The following TTLL9 variants were observed in gnomAD, a reference collection of about 807,000 sequenced individuals.
TTLL9 encodes tubulin tyrosine ligase like 9.
In TTLL9, 47 loss-of-function variants were observed where a neutral mutation model predicts 65.6. The ratio of observed to expected loss-of-function variants is 0.72; its 90% CI spans 0.57 to 0.91. The LOEUF (loss-of-function observed/expected upper bound fraction) is 0.91. Among genes scored for constraint, TTLL9 ranks in the 40% least tolerant of loss-of-function variants. The probability of loss-of-function intolerance (pLI) is 0.00; values close to 1 mark genes in which losing one functional copy is unlikely to be tolerated. For synonymous variants in TTLL9, 179 were observed against 204.8 expected (o/e 0.87, Z 1.07); for missense variants, 537 against 568.8 (o/e 0.94, Z 0.57).
rs747989303 is a variant in TTLL9 at position 31,926,086 on chromosome 20, G to A, written c.743G>A (p.Arg248Lys). The change falls in exon 10 of 15, where the codon AGA (arginine) becomes AAA (lysine). Residue 248 changes from arginine (R) to lysine (K), a missense_variant. By Grantham distance (26) the Arg-to-Lys change is conservative (BLOSUM62 2). Transcript: ENST00000535842. Reference sequence around the variant, plus strand: ...TGCCTGCTGTGGTCTGGGCACAGGAGACAGGGTATGAGATAGGTCTGGTCC... The same window carrying A: ...TGCCTGCTGTGGTCTGGGCACAGGAAACAGGGTATGAGATAGGTCTGGTCC... ...AECLLWSGHR[R>K]QDVHLTNVAV... 2.5e-6 allele frequency: 4 copies of A among 1,603,316 alleles called. No individual in the cohort carries two copies. In the Admixed American group the frequency reaches 5.0e-5, roughly 20 times the overall value.
chr20:31,905,364 C>T (rs557817282), intron 4 of TTLL9, among the ~76,000 whole-genome samples: 19 of 152,226 alleles, frequency 1.2e-4, no homozygotes, highest in Non-Finnish European at 2.1e-4. Context: ...CATAAGCCAC[C>T]GTGCCCAACC....
chr20:31,928,248 GT>G (rs1294476666), intron 10 of TTLL9, among the ~76,000 whole-genome samples: 1 of 151,710 alleles, frequency 6.6e-6, no homozygotes, highest in Non-Finnish European at 1.5e-5. Context: ...AGGCTTTGCT[GT>G]TTTCACAGTG....
chr20:31,922,922 T>C, intron 7 of TTLL9, 41 bp from the exon 8 acceptor site: 1 of 1,526,486 alleles, frequency 6.6e-7, no homozygotes, highest in Non-Finnish European at 9.0e-7. Context: ...CAGGAAATGT[T>C]CCATAAATAA....
At chr20:31,881,654 G>A (rs939957247) in intron 2 of TTLL9, among the ~76,000 whole-genome samples, 2 of 137,554 alleles carry the variant, frequency 1.5e-5, no homozygotes, top group East Asian at 2.0e-4. Flanking sequence ...TGCCCAGGCT[G>A]GAGTGCAGTG....
chr20:31,919,756 T>C, intron 6 of TTLL9, 108 bp from the exon 7 acceptor site: 1 of 858,532 alleles, frequency 1.2e-6, no homozygotes, highest in South Asian at 2.2e-5. Context: ...GAGTTGGGGG[T>C]TCATAAGGAA....
intron 4 of TTLL9, among the ~76,000 whole-genome samples, chr20:31,899,381 G>A (rs964127975): frequency 2.0e-5 from 3 of 152,198 alleles, no homozygotes; most frequent in Non-Finnish European, 1.5e-5. Context: ...TATAATTCCA[G>A]CACTTTGGGA....
At chr20:31,895,567 C>T (rs1036286300) in intron 3 of TTLL9, among the ~76,000 whole-genome samples, 3 of 152,184 alleles carry the variant, frequency 2.0e-5, no homozygotes, top group African/African-American at 7.2e-5. Context: ...GATGGAGTCT[C>T]ACTCTGTAGC....
rs2064267504 is a variant in TTLL9, at chr20:31,943,863, T to C, written c.*842T>C. On this transcript the variant is annotated 3_prime_UTR_variant, in exon 15 of 15. Transcript: ENST00000535842. ...AGTTGAGTGTGAGTAAAAATCTGCC[T>C]TTTCACATCTTACATTGCTAAGCTT... 2.2e-6 allele frequency: 1 copy of C among 456,308 alleles called. No individual in the cohort carries two copies. The highest frequency in any genetic ancestry group is 4.4e-6 in the Non-Finnish European group (1 of 226,908). The allele number at this position is 456,308 out of a possible 1,614,324, so 28.3% of individuals were successfully genotyped here. A position where few individuals can be genotyped will look rare whatever the true frequency, so the allele number is the denominator to read the frequency against.
chr20:31,873,962 G>C (rs2063003627), intron 2 of TTLL9, among the ~76,000 whole-genome samples: 1 of 152,226 alleles, frequency 6.6e-6, no homozygotes, highest in East Asian at 1.9e-4. Flanking sequence ...TGCGATCCTA[G>C]GCGGGTGAGC....
chr20:31,933,777 C>G, intron 10 of TTLL9, 23 bp from the exon 11 acceptor site: 2 of 1,612,780 alleles, frequency 1.2e-6, no homozygotes, highest in Non-Finnish European at 8.5e-7. Flanking sequence ...TCACGCTGAC[C>G]CTTGACCACC....
chr20:31,883,703 C>G (rs2063150179), intron 2 of TTLL9, among the ~76,000 whole-genome samples: 1 of 151,048 alleles, frequency 6.6e-6, no homozygotes, highest in Non-Finnish European at 1.5e-5. Context: ...TGCATAATTA[C>G]ATAAGAAAAG....
chr20:31,909,945 TG>T, intron 6 of TTLL9, 23 bp downstream of exon 6: 2 of 776,848 alleles, frequency 2.6e-6, no homozygotes, highest in Admixed American at 1.9e-5. Context: ...TGCCAGGGGC[TG>T]GGTGGGAGGG....
chr20:31,872,134 C>G (rs946971643), intron 2 of TTLL9, among the ~76,000 whole-genome samples: 1 of 152,018 alleles, frequency 6.6e-6, no homozygotes, highest in Non-Finnish European at 1.5e-5. Flanking sequence ...GATAGGCAAA[C>G]AAATAAATTA....
In TTLL9 at chr20:31,923,066, T is replaced by C; in HGVS notation, c.664+13T>C. On this transcript the variant is annotated intron_variant, in intron 8 of 14. Transcript: ENST00000535842. Reference sequence around the variant, plus strand: ...TACCTGATAGGAGGTGAGATGGCTGTGTCTGCTCCTGCTCTTCCATTGCAT... The same window carrying C: ...TACCTGATAGGAGGTGAGATGGCTGCGTCTGCTCCTGCTCTTCCATTGCAT... 1 of 1,590,820 alleles carries C rather than the reference T, an allele frequency of 6.3e-7. No homozygotes were observed. The highest frequency in any genetic ancestry group is 8.6e-7 in the Non-Finnish European group (1 of 1,158,868).
rs532282566 is a variant in TTLL9, at chr20:31,877,423, G to A, written c.69+6228G>A. Among the ~76,000 whole-genome samples, 17 of 152,234 alleles carry A rather than the reference G, an allele frequency of 1.1e-4. No homozygotes were observed. The South Asian group carries it at 1.5e-3, about 13-fold the overall frequency. ...GCTGAGATTACAGGCGTGAGCCACC[G>A]CGCCCGGCCTGGCAGTTTAAATTTT... On this transcript the variant is annotated intron_variant, in intron 2 of 14. Transcript: ENST00000535842.
chr20:31,938,099 TCTCCCTCTCCCTCC>T (rs2064145843), intron 13 of TTLL9: 3 of 211,516 alleles, frequency 1.4e-5, no homozygotes, highest in Admixed American at 1.1e-4. Flanking sequence ...TCCCTCTCCC[TCTCCCTCTCCCTCC>T]CTCCCTCTCC....
rs763118509 is a variant in TTLL9, at chr20:31,937,511, T to A, written c.1118+2T>A. 8 of 1,610,832 alleles carry A rather than the reference T, an allele frequency of 5.0e-6. No homozygotes were observed. In the East Asian group the frequency reaches 1.8e-4, roughly 36 times the overall value. On this transcript the variant is annotated splice_donor_variant, in intron 13 of 14. Coordinates refer to ENST00000535842, the MANE Select transcript of TTLL9 (RefSeq NM_001008409.5). LOFTEE classifies it high-confidence loss of function. Reference sequence around the variant, plus strand: ...GCATGTTGTGGACATGGAAGCGAGGTGAGGGAGGGCAGCCTTGATCACATG... The same window carrying A: ...GCATGTTGTGGACATGGAAGCGAGGAGAGGGAGGGCAGCCTTGATCACATG...
At chr20:31,941,503 T>G (rs909600747) in intron 14 of TTLL9, among the ~76,000 whole-genome samples, 8 of 152,064 alleles carry the variant, frequency 5.3e-5, no homozygotes, top group Admixed American at 1.3e-4. Flanking sequence ...CATCAGTAGC[T>G]TTTAAAGCTC....
intron 6 of TTLL9, among the ~76,000 whole-genome samples, chr20:31,910,232 C>G (rs541479999): frequency 1.1e-3 from 169 of 152,308 alleles, no homozygotes; most frequent in African/African-American, 3.5e-3. Flanking sequence ...TAGTGACCCT[C>G]GGGGGAGGGA....
Sources: allele counts gnomAD v4.1 joint callset (sites outside exome capture counted in the v4.1 genomes callset), GRCh38; gene constraint gnomAD v4.1.1; transcripts MANE v1.5; gene names NCBI Gene and HGNC (gene_info 2026-07-23, HGNC 2026-07-21).